SLIT2: variants seen among roughly 807,000 people sequenced by gnomAD.
The protein encoded by SLIT2 is slit guidance ligand 2, also known as slit homolog 2 protein.
A neutral mutation model predicts 185.7 loss-of-function variants in SLIT2; 41 were observed. The ratio of observed to expected loss-of-function variants is 0.22; its 90% CI spans 0.17 to 0.29. SLIT2 has a LOEUF of 0.29. SLIT2 is among the 10% of genes least tolerant of loss of function. The pLI is 1.00. For synonymous variants in SLIT2, 693 were observed against 680.2 expected, an observed-to-expected ratio of 1.02 and a Z score of -0.29; for missense variants, 1,571 against 1,909.0, an observed-to-expected ratio of 0.82 and a Z score of 3.30.
intron 30 of SLIT2, among the ~76,000 whole-genome samples, chr4:20,593,026 C>T (rs1727637664): frequency 6.6e-6 from 1 of 152,168 alleles, no homozygotes. Flanking sequence ...CAGACAAAAC[C>T]TTAGGCATTC....
intron 21 of SLIT2, among the ~76,000 whole-genome samples, chr4:20,543,298 A>G (rs979142504): frequency 6.6e-6 from 1 of 152,102 alleles, no homozygotes; most frequent in Non-Finnish European, 1.5e-5. Flanking sequence ...GGATATACAC[A>G]TCTCGACCTT....
chr4:20,499,521 G>A (rs182332810), intron 9 of SLIT2, among the ~76,000 whole-genome samples: 5 of 152,042 alleles, frequency 3.3e-5, no homozygotes, highest in Non-Finnish European at 7.4e-5. Flanking sequence ...ACAGAGTCTC[G>A]CTCTGTCATC....
intron 34 of SLIT2, among the ~76,000 whole-genome samples, chr4:20,610,449 A>G (rs1186411060): frequency 1.3e-5 from 2 of 152,240 alleles, no homozygotes; most frequent in Non-Finnish European, 2.9e-5. Flanking sequence ...GGTGATTTAT[A>G]CATTATATAA....
At chr4:20,359,388 G>T (rs1722572251) in intron 4 of SLIT2, among the ~76,000 whole-genome samples, 1 of 152,088 alleles carries the variant, frequency 6.6e-6, no homozygotes. Flanking sequence ...AAAGGGCTTT[G>T]CATGGCATGA....
At chr4:20,470,598 C>T (rs1449177095) in intron 5 of SLIT2, among the ~76,000 whole-genome samples, 1 of 151,178 alleles carries the variant, frequency 6.6e-6, no homozygotes, top group Non-Finnish European at 1.5e-5. Context: ...TTTTTTGAGA[C>T]ACAGTCTCGC....
chr4:20,525,187 G>A lies in SLIT2; in HGVS notation c.1462+15G>A. 1 of 1,591,736 alleles carries A rather than the reference G, an allele frequency of 6.3e-7. No homozygotes were observed. Among genetic ancestry groups the A allele is most frequent in the African/African-American group, 1.3e-5 (1 of 74,482 alleles). On this transcript the variant is annotated intron_variant, in intron 15 of 36. Transcript: ENST00000504154. ...TTTCATTCCAGGTAGGTTTTGCTCG[G>A]TAGTAGGACTAACTACAGACACCCT...
At chr4:20,557,730 GTTC>G (rs1056032304) in intron 26 of SLIT2, among the ~76,000 whole-genome samples, 11 of 152,146 alleles carry the variant, frequency 7.2e-5, no homozygotes, top group Middle Eastern at 3.4e-3. Context: ...GTACATAGTG[GTTC>G]TTCTGATGGA....
chr4:20,494,777 C>CA (rs529308309), intron 9 of SLIT2, among the ~76,000 whole-genome samples: 7,052 of 98,236 alleles, frequency 0.072, 334 homozygotes, highest in African/African-American at 0.17. Context: ...GACTCCGTCT[C>CA]AAAAAAAAAA....
At chr4:20,428,005 A>G (rs1728688096) in intron 4 of SLIT2, among the ~76,000 whole-genome samples, 1 of 152,152 alleles carries the variant, frequency 6.6e-6, no homozygotes, top group African/African-American at 2.4e-5. Context: ...CATCCACACT[A>G]CCACAATGCA....
intron 4 of SLIT2, among the ~76,000 whole-genome samples, chr4:20,383,271 G>C (rs1724674997): frequency 6.6e-6 from 1 of 151,974 alleles, no homozygotes. Flanking sequence ...AAAAGACACA[G>C]GTTAAACAAA....
intron 24 of SLIT2, among the ~76,000 whole-genome samples, chr4:20,550,241 AC>A (rs1201192508): frequency 6.6e-6 from 1 of 152,102 alleles, no homozygotes; most frequent in Non-Finnish European, 1.5e-5. Flanking sequence ...TTATTTGTTT[AC>A]TAAGCACTCG....
chr4:20,505,351 C>T (rs761014783), intron 9 of SLIT2, among the ~76,000 whole-genome samples: 1 of 151,974 alleles, frequency 6.6e-6, no homozygotes, highest in Non-Finnish European at 1.5e-5. Context: ...CTAAGTGACA[C>T]ACCTTGAAAA....
At chr4:20,559,676 T>C (rs980014683) in intron 26 of SLIT2, among the ~76,000 whole-genome samples, 1 of 151,982 alleles carries the variant, frequency 6.6e-6, no homozygotes, top group Non-Finnish European at 1.5e-5. Context: ...GTGAAAACTA[T>C]CATTTCCCCA....
At chr4:20,550,447 G>T (rs575175848) in intron 24 of SLIT2, among the ~76,000 whole-genome samples, 1 of 151,278 alleles carries the variant, frequency 6.6e-6, no homozygotes, top group African/African-American at 2.4e-5. Flanking sequence ...TTCTTATATG[G>T]AATATTTTAT....
intron 4 of SLIT2, among the ~76,000 whole-genome samples, chr4:20,286,126 A>G (rs777618743): frequency 5.1e-4 from 78 of 152,248 alleles, no homozygotes; most frequent in Admixed American, 5.9e-4. Flanking sequence ...GTTCTTTACC[A>G]TGTATATTAA....
At chr4:20,259,995 C>T (rs1467655438) in intron 3 of SLIT2, among the ~76,000 whole-genome samples, 1 of 151,816 alleles carries the variant, frequency 6.6e-6, no homozygotes, top group East Asian at 1.9e-4. Flanking sequence ...TTCTTAGGAA[C>T]ATTGTGGATA....
At chr4:20,423,189 A>T (rs1220912975) in intron 4 of SLIT2, among the ~76,000 whole-genome samples, 2 of 152,080 alleles carry the variant, frequency 1.3e-5, no homozygotes, top group Admixed American at 1.3e-4. Flanking sequence ...CATAGGGGAA[A>T]CACTGAGATT....
At chr4:20,434,585 A>G (rs762309495) in intron 4 of SLIT2, among the ~76,000 whole-genome samples, 6 of 152,208 alleles carry the variant, frequency 3.9e-5, no homozygotes, top group Non-Finnish European at 7.3e-5. Context: ...GAGTCTTACG[A>G]CTACAGGTAG....
chr4:20,451,448 T>C (rs548724349), intron 4 of SLIT2, among the ~76,000 whole-genome samples: 42 of 152,230 alleles, frequency 2.8e-4, no homozygotes, highest in Non-Finnish European at 5.0e-4. Context: ...AAAGGCTATA[T>C]TGAATTCTTT....
Sources: gnomAD v4.1 joint callset for allele counts (sites outside exome capture counted in the v4.1 genomes callset) on GRCh38, gnomAD v4.1.1 for gene constraint, MANE v1.5 for transcripts, NCBI Gene and HGNC (gene_info 2026-07-23, HGNC 2026-07-21) for gene names.